The following RERE variants were observed in gnomAD, a reference collection of about 807,000 sequenced individuals.
RERE encodes arginine-glutamic acid dipeptide repeats.
A neutral mutation model predicts 146.1 loss-of-function variants in RERE; 40 were observed. That is an observed-to-expected ratio of 0.27 (90% CI 0.21 to 0.36). The LOEUF is 0.36. Among genes scored for constraint, RERE ranks in the 10% least tolerant of loss-of-function variants. The pLI is 1.00. For missense variants in RERE, 1,933 were observed against 2,138.7 expected (o/e 0.90, Z 1.90); for synonymous variants, 1,003 against 866.0 (o/e 1.16, Z -2.78).
intron 7 of RERE, among the ~76,000 whole-genome samples, chr1:8,513,431 A>T (rs1027208029): frequency 6.6e-6 from 1 of 152,214 alleles, no homozygotes; most frequent in Admixed American, 6.5e-5. Flanking sequence ...TGTTGTGGTT[A>T]AATTATATGA....
chr1:8,379,886 G>A (rs1642384906), intron 12 of RERE, among the ~76,000 whole-genome samples: 1 of 152,196 alleles, frequency 6.6e-6, no homozygotes, highest in South Asian at 2.1e-4. Flanking sequence ...GGGGAAGCCT[G>A]CGGGGCTGGG....
At chr1:8,627,309 C>G (rs1646986111) in intron 2 of RERE, among the ~76,000 whole-genome samples, 1 of 151,966 alleles carries the variant, frequency 6.6e-6, no homozygotes, top group Non-Finnish European at 1.5e-5. Flanking sequence ...CCGTACTCAC[C>G]AAGGACTAAT....
Position 8,423,439 on chromosome 1 carries a change from C to T in RERE, c.1204-632G>A. ...CCGCCCTCCCGACGCCACTCGCCGC[C>T]CCCATCCATTTTCGCAGCAGACTCG... On this transcript the variant is annotated intron_variant, in intron 11 of 22. Coordinates refer to ENST00000400908, the MANE Select transcript of RERE (RefSeq NM_001042681.2). This position sits in a 1 kb window ranked among gnomAD's most constrained non-coding sequence, Gnocchi z 5.4. The T allele has an allele frequency of 1.5e-6, 1 of 662,340 alleles. No homozygotes were observed. The highest frequency in any genetic ancestry group is 1.9e-6 in the Non-Finnish European group (1 of 534,428). 41.0% of individuals were successfully genotyped at this position (662,340 alleles called of 1,614,324 possible).
chr1:8,506,123 G>C (rs925891907), intron 8 of RERE, among the ~76,000 whole-genome samples: 1 of 152,150 alleles, frequency 6.6e-6, no homozygotes, highest in South Asian at 2.1e-4. Flanking sequence ...GAAATACACA[G>C]TGAGAGGGAA....
chr1:8,444,012 T>A (rs1644286545), intron 11 of RERE, among the ~76,000 whole-genome samples: 1 of 151,918 alleles, frequency 6.6e-6, no homozygotes, highest in Non-Finnish European at 1.5e-5. Flanking sequence ...CCACACAGAG[T>A]CCCCACTGGG....
intron 7 of RERE, among the ~76,000 whole-genome samples, chr1:8,509,786 C>T (rs143242994): frequency 3.9e-5 from 6 of 152,242 alleles, no homozygotes; most frequent in South Asian, 2.1e-4. Context: ...AGAGCATGAC[C>T]CTGTCTATAA....
intron 10 of RERE, among the ~76,000 whole-genome samples, chr1:8,490,015 C>A (rs924813435): frequency 6.8e-6 from 1 of 148,016 alleles, no homozygotes; most frequent in Non-Finnish European, 1.5e-5. Flanking sequence ...GCACCACTCA[C>A]TGCACTCTAG....
chr1:8,418,076 A>T (rs1407963748), intron 12 of RERE, among the ~76,000 whole-genome samples: 1 of 152,176 alleles, frequency 6.6e-6, no homozygotes, highest in Non-Finnish European at 1.5e-5. Context: ...TCTACCAAGT[A>T]TGGCAGGTAT....
rs1366316484 is a variant in RERE, at chr1:8,506,733, G to GA, written c.879+1893dup. ...GTGGGTCTACTGGGGACCTGCTGGG[G>GA]AAATTTTCCTTGCTCCTAAGGGGAA... On this transcript the variant is annotated intron_variant, in intron 8 of 22. Transcript: ENST00000400908. Among the ~76,000 whole-genome samples the GA allele has an allele frequency of 2.0e-5, 3 of 152,178 alleles. No homozygotes were observed. In the East Asian group the frequency reaches 5.8e-4, roughly 29 times the overall value.
At chr1:8,760,745 G>C (rs1381516322) in intron 1 of RERE, among the ~76,000 whole-genome samples, 1 of 152,150 alleles carries the variant, frequency 6.6e-6, no homozygotes, top group African/African-American at 2.4e-5. Flanking sequence ...AATCCAGCCA[G>C]TGTCAGTTAT....
In RERE at chr1:8,362,689, C is replaced by T. The variant is rs777129852; in HGVS notation, c.1896G>A (p.Ser632=). Residue 632 remains serine (S), a synonymous_variant, in exon 16 of 23, where the codon TCG becomes TCA. Transcript: ENST00000400908. ...TATCCCCCCAGCACCTGACCTTGGC[C>T]GACTTCTTCACTGTCTCTGCTTTAC... ...NDSKAETVKK[S]AKKVKEEASS... The T allele has an allele frequency of 6.2e-6, 10 of 1,614,100 alleles. No individual in the cohort carries two copies. The highest frequency in any genetic ancestry group is 3.3e-5 in the Admixed American group (2 of 60,006).
chr1:8,794,085 T>A (rs1406047055), intron 1 of RERE, among the ~76,000 whole-genome samples: 1 of 150,234 alleles, frequency 6.7e-6, no homozygotes, highest in Non-Finnish European at 1.5e-5. Flanking sequence ...AAAATTTTTT[T>A]TTTTTGAGAG....
chr1:8,401,407 A>C (rs1238408582), intron 12 of RERE, among the ~76,000 whole-genome samples: 2 of 151,726 alleles, frequency 1.3e-5, no homozygotes, highest in Non-Finnish European at 2.9e-5. Flanking sequence ...CTGCCACTGC[A>C]CGCCAGCCTG....
At chr1:8,363,158 G>A (rs564424000) in intron 15 of RERE, among the ~76,000 whole-genome samples, 24 of 152,326 alleles carry the variant, frequency 1.6e-4, no homozygotes, top group South Asian at 4.1e-4. Flanking sequence ...GCAGAAAGTC[G>A]CCTGGGGCCA....
At chr1:8,672,563 T>C (rs947528618) in intron 1 of RERE, among the ~76,000 whole-genome samples, 1 of 152,260 alleles carries the variant, frequency 6.6e-6, no homozygotes, top group African/African-American at 2.4e-5. Context: ...GCAGTATTAT[T>C]CCATCACTTT....
intron 11 of RERE, among the ~76,000 whole-genome samples, chr1:8,441,941 AC>A (rs1644254349): frequency 1.3e-5 from 2 of 151,492 alleles, no homozygotes; most frequent in African/African-American, 4.8e-5. Flanking sequence ...CAATACACAC[AC>A]TTTTTGTTGC....
chr1:8,469,042 G>T (rs1240048342), intron 10 of RERE, among the ~76,000 whole-genome samples: 1 of 151,766 alleles, frequency 6.6e-6, no homozygotes, highest in Non-Finnish European at 1.5e-5. Context: ...TATCATTTTT[G>T]TGCCTTAATT....
intron 4 of RERE, among the ~76,000 whole-genome samples, chr1:8,566,181 G>A (rs1295271181): frequency 6.6e-6 from 1 of 152,076 alleles, no homozygotes; most frequent in African/African-American, 2.4e-5. Context: ...AAATCCACAG[G>A]GTCGTCTTCT....
At chr1:8,576,496 C>A (rs887660916) in intron 4 of RERE, among the ~76,000 whole-genome samples, 2 of 152,022 alleles carry the variant, frequency 1.3e-5, no homozygotes, top group African/African-American at 4.8e-5. Flanking sequence ...TACAGAATAG[C>A]AGGGAAAGAT....
Sources: gnomAD v4.1 joint callset for allele counts (sites outside exome capture counted in the v4.1 genomes callset) on GRCh38, gnomAD v4.1.1 for gene constraint, Gnocchi (gnomAD v3.1) non-coding constraint, MANE v1.5 for transcripts, NCBI Gene and HGNC (gene_info 2026-07-23, HGNC 2026-07-21) for gene names.